HPSE2: variants seen among roughly 807,000 people sequenced by gnomAD.
HPSE2 encodes the protein heparanase 2 (inactive), also known as inactive heparanase-2.
Under a neutral mutation model 60.5 loss-of-function variants are expected in HPSE2, and 38 were observed. The ratio of observed to expected loss-of-function variants is 0.63; its 90% CI spans 0.48 to 0.82. The LOEUF is 0.82. Among genes scored for constraint, HPSE2 ranks in the 40% least tolerant of loss-of-function variants. HPSE2 has a pLI of 0.00. For synonymous variants in HPSE2, 295 were observed against 293.2 expected, an observed-to-expected ratio of 1.01 and a Z score of -0.06; for missense variants, 713 against 740.4, an observed-to-expected ratio of 0.96 and a Z score of 0.43.
At chr10:99,115,210 T>C (rs1844636929) in intron 3 of HPSE2, among the ~76,000 whole-genome samples, 1 of 150,328 alleles carries the variant, frequency 6.7e-6, no homozygotes, top group South Asian at 2.1e-4. Flanking sequence ...TGGAGTGCAG[T>C]GGCGCCATCT....
intron 5 of HPSE2, among the ~76,000 whole-genome samples, chr10:98,717,339 G>A (rs1010086203): frequency 2.0e-5 from 3 of 152,050 alleles, no homozygotes; most frequent in African/African-American, 7.2e-5. Context: ...CACTAAAGTA[G>A]CACTTTTAAT....
chr10:98,970,817 G>C (rs1287458921), intron 3 of HPSE2, among the ~76,000 whole-genome samples: 1 of 152,122 alleles, frequency 6.6e-6, no homozygotes, highest in African/African-American at 2.4e-5. Flanking sequence ...GTTTCCCATG[G>C]CATAAAGCTC....
At chr10:98,531,388 C>T (rs975268796) in intron 9 of HPSE2, among the ~76,000 whole-genome samples, 1 of 152,178 alleles carries the variant, frequency 6.6e-6, no homozygotes, top group African/African-American at 2.4e-5. Context: ...TATTTCAAAG[C>T]CTTTACTTAG....
chr10:98,640,546 G>T (rs1946611873), intron 7 of HPSE2, among the ~76,000 whole-genome samples: 3 of 152,102 alleles, frequency 2.0e-5, no homozygotes. Context: ...TCTCAAAATT[G>T]ATGTTCTATG....
intron 3 of HPSE2, among the ~76,000 whole-genome samples, chr10:99,099,325 A>G (rs1177435697): frequency 6.6e-6 from 1 of 152,196 alleles, no homozygotes. Flanking sequence ...GTCTTAGCAA[A>G]TGGCACACCA....
chr10:98,958,565 T>G (rs529721266), intron 3 of HPSE2, among the ~76,000 whole-genome samples: 1 of 152,168 alleles, frequency 6.6e-6, no homozygotes, highest in South Asian at 2.1e-4. Context: ...AAAAATAACC[T>G]TAAGAGACAG....
At chr10:98,825,482 C>A (rs968213171) in intron 3 of HPSE2, among the ~76,000 whole-genome samples, 3 of 152,090 alleles carry the variant, frequency 2.0e-5, no homozygotes, top group Non-Finnish European at 4.4e-5. Context: ...CAAGGGAGGC[C>A]TTCCCTAACA....
At chr10:98,846,631 TGA>T (rs559275629) in intron 3 of HPSE2, among the ~76,000 whole-genome samples, 29 of 152,290 alleles carry the variant, frequency 1.9e-4, no homozygotes, top group Middle Eastern at 3.4e-3. Flanking sequence ...AAAAAGTTAC[TGA>T]GACTCAAGCC....
rs1434409975 is a variant in HPSE2, at chr10:99,144,222, A to G, written c.610+16T>C. On this transcript the variant is annotated intron_variant, in intron 3 of 11. Transcript: ENST00000370552. ...ACTGAATGCTCTAAGATTTCAACCA[A>G]CTCCAATAGCCTTACCTGTTAATAT... 3.7e-6 allele frequency: 6 copies of G among 1,612,926 alleles called. No individual in the cohort carries two copies. In the African/African-American group the frequency reaches 5.3e-5, roughly 14 times the overall value.
chr10:98,959,423 A>C (rs1955593218), intron 3 of HPSE2, among the ~76,000 whole-genome samples: 1 of 151,774 alleles, frequency 6.6e-6, no homozygotes, highest in South Asian at 2.1e-4. Context: ...GTCCTGCCAA[A>C]TCCAAACACC....
chr10:98,840,686 T>C (rs1951890448), intron 3 of HPSE2, among the ~76,000 whole-genome samples: 3 of 152,016 alleles, frequency 2.0e-5, no homozygotes, highest in African/African-American at 7.3e-5. Flanking sequence ...CGTCATCAGC[T>C]GAAACATGAA....
At chr10:99,060,070 C>T (rs1203980176) in intron 3 of HPSE2, among the ~76,000 whole-genome samples, 2 of 150,822 alleles carry the variant, frequency 1.3e-5, no homozygotes, top group Admixed American at 6.6e-5. Context: ...ACAAATAAAC[C>T]TATGGATATA....
At chr10:98,901,919 A>G (rs1953678037) in intron 3 of HPSE2, among the ~76,000 whole-genome samples, 1 of 152,186 alleles carries the variant, frequency 6.6e-6, no homozygotes, top group East Asian at 1.9e-4. Flanking sequence ...ATGCTCAATT[A>G]TAATTACCAG....
intron 3 of HPSE2, among the ~76,000 whole-genome samples, chr10:98,821,830 C>T (rs954279713): frequency 1.3e-5 from 2 of 152,086 alleles, no homozygotes; most frequent in Non-Finnish European, 2.9e-5. Context: ...CTAAGAAAAA[C>T]GACTTGGCTA....
At chr10:98,927,103 TG>T (rs199578584) in intron 3 of HPSE2, among the ~76,000 whole-genome samples, 23,278 of 152,060 alleles carry the variant, frequency 0.15, 2,687 homozygotes, top group African/African-American at 0.32. Context: ...TGGAGAGCTC[TG>T]TAGATGTCTA....
chr10:98,781,135 C>T (rs1950456017), intron 3 of HPSE2, among the ~76,000 whole-genome samples: 1 of 152,072 alleles, frequency 6.6e-6, no homozygotes, highest in African/African-American at 2.4e-5. Context: ...TGAACAAAAG[C>T]TAAACTTTTG....
chr10:98,600,919 A>AT (rs1354078562), intron 9 of HPSE2, among the ~76,000 whole-genome samples: 1 of 35,894 alleles, frequency 2.8e-5, no homozygotes, highest in East Asian at 3.0e-3. Flanking sequence ...GTGTATATAT[A>AT]TATATATATA....
At chr10:98,652,831 T>C (rs1411872547) in intron 6 of HPSE2, among the ~76,000 whole-genome samples, 1 of 152,218 alleles carries the variant, frequency 6.6e-6, no homozygotes, top group Non-Finnish European at 1.5e-5. Context: ...TTAACTAAGA[T>C]AATAATTATT....
intron 3 of HPSE2, among the ~76,000 whole-genome samples, chr10:99,112,795 A>AC (rs1844521957): frequency 6.6e-6 from 1 of 152,230 alleles, no homozygotes; most frequent in Admixed American, 6.5e-5. Context: ...AACAGACAGA[A>AC]CACTAAAGAA....
Sources: gnomAD v4.1 joint callset for allele counts (sites outside exome capture counted in the v4.1 genomes callset) on GRCh38, gnomAD v4.1.1 for gene constraint, MANE v1.5 for transcripts, NCBI Gene and HGNC (gene_info 2026-07-23, HGNC 2026-07-21) for gene names.